CECR2: variants seen among roughly 807,000 people sequenced by gnomAD.
CECR2 encodes CECR2 histone acetyl-lysine reader.
In CECR2, 30 loss-of-function variants were observed where a neutral mutation model predicts 154.5. The observed-to-expected ratio is 0.19, with a 90% CI of 0.15 to 0.26. CECR2 has a LOEUF of 0.26. Ranked by LOEUF, CECR2 falls within the 10% of genes least tolerant of loss-of-function variation. CECR2 has a pLI of 1.00. For missense variants in CECR2, 1,743 were observed against 1,829.3 expected, an observed-to-expected ratio of 0.95 and a Z score of 0.86; for synonymous variants, 725 against 683.7, an observed-to-expected ratio of 1.06 and a Z score of -0.94.
rs2056754745 is a variant in CECR2, at chr22:17,554,718, G to GT, written c.*1882dup. 6.6e-6 allele frequency: 1 copy of GT among 152,232 alleles called. No individual in the cohort carries two copies. The highest frequency in any genetic ancestry group is 2.4e-5 in the African/African-American group (1 of 41,462). 9.4% of individuals were successfully genotyped at this position (152,232 alleles called of 1,614,324 possible). ...TTTGATGTATTTGCAAGTGGATTGA[G>GT]TTTTGAGCCTGTGTTCTCACTGGAT... On this transcript the variant is annotated 3_prime_UTR_variant, in exon 19 of 19. Coordinates refer to ENST00000262608, the MANE Select transcript of CECR2 (RefSeq NM_001290047.2).
intron 1 of CECR2, among the ~76,000 whole-genome samples, chr22:17,397,789 G>T (rs1408222390): frequency 6.6e-6 from 1 of 152,200 alleles, no homozygotes; most frequent in East Asian, 1.9e-4. Flanking sequence ...GAGTCACCGT[G>T]CCCGGCTAAC....
chr22:17,476,990 T>C, intron 1 of CECR2: 2 of 612,560 alleles, frequency 3.3e-6, no homozygotes, highest in Non-Finnish European at 6.0e-6. Context: ...AGACGTTACC[T>C]CATTCTGTTT....
intron 1 of CECR2, among the ~76,000 whole-genome samples, chr22:17,420,319 C>T (rs573960995): frequency 6.8e-4 from 103 of 152,294 alleles, no homozygotes; most frequent in African/African-American, 2.3e-3. Context: ...GCCTTGAACA[C>T]GGATTATCCC....
chr22:17,521,763 C>G (rs1314932627), intron 8 of CECR2, among the ~76,000 whole-genome samples: 110 of 144,704 alleles, frequency 7.6e-4, no homozygotes, highest in East Asian at 1.7e-3. Context: ...TAATTAGATC[C>G]CATTTGTCTG....
At chr22:17,378,145 G>C (rs1050942797) in intron 1 of CECR2, among the ~76,000 whole-genome samples, 11 of 151,128 alleles carry the variant, frequency 7.3e-5, no homozygotes, top group Admixed American at 2.0e-4. Flanking sequence ...CACCACGCCC[G>C]GCTAATTTTT....
intron 1 of CECR2, among the ~76,000 whole-genome samples, chr22:17,406,355 T>A (rs1028587069): frequency 2.0e-5 from 3 of 152,152 alleles, no homozygotes; most frequent in African/African-American, 7.2e-5. Context: ...ACCCCGTCTC[T>A]ACTAAAAAAA....
chr22:17,424,141 C>G (rs1248909631), intron 1 of CECR2, among the ~76,000 whole-genome samples: 1 of 152,094 alleles, frequency 6.6e-6, no homozygotes, highest in Non-Finnish European at 1.5e-5. Flanking sequence ...ATAATTGTTA[C>G]CTACCAGGCT....
chr22:17,379,018 G>A (rs1360880353), intron 1 of CECR2, among the ~76,000 whole-genome samples: 1 of 152,054 alleles, frequency 6.6e-6, no homozygotes, highest in African/African-American at 2.4e-5. Context: ...GTGCAGTGGT[G>A]CGATCTCGGC....
At chr22:17,380,806 T>C (rs766577344) in intron 1 of CECR2, among the ~76,000 whole-genome samples, 2 of 152,218 alleles carry the variant, frequency 1.3e-5, no homozygotes, top group Non-Finnish European at 2.9e-5. Context: ...TGTTCAGCAG[T>C]CTTGTTGACT....
intron 1 of CECR2, among the ~76,000 whole-genome samples, chr22:17,432,670 C>G (rs999335651): frequency 6.6e-6 from 1 of 152,112 alleles, no homozygotes; most frequent in Non-Finnish European, 1.5e-5. Flanking sequence ...GAGTTTTGCT[C>G]TGTTGCACAG....
Position 17,524,836 on chromosome 22 carries a change from A to ATG in CECR2, c.1108+567_1108+568dup, listed in dbSNP as rs1490576838. 1.3e-5 allele frequency: 5 copies of ATG among 393,778 alleles called. No individual in the cohort carries two copies. In the East Asian group the frequency reaches 4.7e-4, roughly 37 times the overall value. The allele number at this position is 393,778 out of a possible 1,614,324, so 24.4% of individuals were successfully genotyped here. Reference sequence around the variant, plus strand: ...ATAGGCGTGCCACCACACCCAGCTAATGTTTGTATTTTTAGAGATGGGGTT... The same window carrying ATG: ...ATAGGCGTGCCACCACACCCAGCTAATGTGTTTGTATTTTTAGAGATGGGGTT... On this transcript the variant is annotated intron_variant, in intron 9 of 18. Transcript: ENST00000262608.
At chr22:17,522,006 G>A (rs527414100) in intron 8 of CECR2, among the ~76,000 whole-genome samples, 91 of 152,270 alleles carry the variant, frequency 6.0e-4, no homozygotes, top group African/African-American at 1.1e-3. Context: ...TATTAAATAC[G>A]GAATCCTTTC....
intron 7 of CECR2, among the ~76,000 whole-genome samples, chr22:17,505,835 C>CTTTTTTTT (rs3994825): frequency 1.2e-5 from 1 of 84,558 alleles, no homozygotes; most frequent in African/African-American, 4.8e-5. Flanking sequence ...CTGCACCCGG[C>CTTTTTTTT]TTTTTTTTTT....
At chr22:17,444,177 G>A (rs2146675529) in intron 1 of CECR2, among the ~76,000 whole-genome samples, 1 of 152,250 alleles carries the variant, frequency 6.6e-6, no homozygotes, top group African/African-American at 2.4e-5. Flanking sequence ...AGGCCCTGGT[G>A]GTTTCTTTTC....
chr22:17,473,583 T>G (rs1054145037), intron 1 of CECR2, among the ~76,000 whole-genome samples: 4 of 152,196 alleles, frequency 2.6e-5, no homozygotes, highest in Admixed American at 1.3e-4. Context: ...CACTTCGCAG[T>G]TTTTCCACAA....
chr22:17,435,751 T>C (rs1223448066), intron 1 of CECR2, among the ~76,000 whole-genome samples: 4 of 146,608 alleles, frequency 2.7e-5, no homozygotes, highest in Non-Finnish European at 5.9e-5. Flanking sequence ...GAAACGGTGA[T>C]TTTTTCTCAT....
At chr22:17,448,088 T>C (rs954849008) in intron 1 of CECR2, among the ~76,000 whole-genome samples, 2 of 152,192 alleles carry the variant, frequency 1.3e-5, no homozygotes, top group African/African-American at 4.8e-5. Context: ...CAAATAGATA[T>C]TTAGGTACTG....
In CECR2 at chr22:17,549,090, A is replaced by G. The variant is rs2056664031; in HGVS notation, c.3803A>G (p.Lys1268Arg). 1.2e-6 allele frequency: 2 copies of G among 1,613,912 alleles called. No individual in the cohort carries two copies. The highest frequency in any genetic ancestry group is 1.3e-5 in the African/African-American group (1 of 74,934). The change falls in exon 17 of 19, where the codon AAA becomes AGA. Residue 1268 changes from lysine to arginine, a missense_variant. Coordinates refer to ENST00000262608, the MANE Select transcript of CECR2 (RefSeq NM_001290047.2). ...SPTRMDAVAAKVPNDGQNPGP... is the reference protein window; with the variant it reads ...SPTRMDAVAARVPNDGQNPGP... The stretch of plus-strand genomic sequence containing the variant: ...ACCCGTATGGATGCAGTGGCTGCTA[A>G]AGTCCCAAATGACGGGCAGAATCCT...
chr22:17,457,022 A>G (rs1438614930), intron 1 of CECR2, among the ~76,000 whole-genome samples: 2 of 152,148 alleles, frequency 1.3e-5, no homozygotes, highest in Non-Finnish European at 1.5e-5. Context: ...TGGAATTTAT[A>G]TTTACTAGTT....
Sources: allele counts gnomAD v4.1 joint callset (sites outside exome capture counted in the v4.1 genomes callset), GRCh38; gene constraint gnomAD v4.1.1; transcripts MANE v1.5; gene names NCBI Gene and HGNC (gene_info 2026-07-23, HGNC 2026-07-21).